NOPCHAP1: variants seen among roughly 807,000 people sequenced by gnomAD.
NOPCHAP1 encodes DNA damage-sensitive RNA 1.
NOPCHAP1 carries 13 observed loss-of-function variants against 14.0 expected under a neutral mutation model. The observed-to-expected ratio is 0.93, with a 90% CI of 0.60 to 1.47. The LOEUF is 1.47. Ranked by LOEUF, NOPCHAP1 falls within the 40% of genes most tolerant of loss-of-function variation. The pLI, the probability that NOPCHAP1 is intolerant of heterozygous loss-of-function variation, is 0.00. For missense variants in NOPCHAP1, 230 were observed against 226.9 expected, an observed-to-expected ratio of 1.01 and a Z score of -0.09; for synonymous variants, 78 against 78.4, an observed-to-expected ratio of 1.00 and a Z score of 0.03.
At chr12:104,991,622 T>C in intron 2 of NOPCHAP1, 90 bp from the exon 3 acceptor site, 2 of 1,297,050 alleles carry the variant, frequency 1.5e-6, no homozygotes, top group Admixed American at 2.6e-5. Flanking sequence ...GTTGTTATTA[T>C]TAATACTCAA....
chr12:104,990,330 A>G (rs982471296), intron 2 of NOPCHAP1, among the ~76,000 whole-genome samples: 5 of 152,210 alleles, frequency 3.3e-5, no homozygotes, highest in African/African-American at 1.2e-4. Context: ...TTAGTTGGAA[A>G]CAAAAGCAGT....
At position 105,011,168 on chromosome 12, in the gene NOPCHAP1, G is replaced by C. The variant is rs1176571127; in HGVS notation, c.*16472G>C. 1.3e-5 allele frequency: 2 copies of C among 152,074 alleles called. No individual in the cohort carries two copies. Among genetic ancestry groups the C allele is most frequent in the African/African-American group, 4.8e-5 (2 of 41,394 alleles). The allele number at this position is 152,074 out of a possible 1,614,324, so 9.4% of individuals were successfully genotyped here. ...TGTGAATCTGTGTGCTCCTGTATTG[G>C]GTGCATATATATTTAGGATAGTTAG... On this transcript the variant is annotated 3_prime_UTR_variant, in exon 4 of 4. Transcript: ENST00000552951.
chr12:104,989,330 C>A (rs1337272902), intron 2 of NOPCHAP1, among the ~76,000 whole-genome samples: 1 of 152,130 alleles, frequency 6.6e-6, no homozygotes, highest in African/African-American at 2.4e-5. Context: ...GACTTACCAG[C>A]CTTTGTGTGT....
rs961423401 is a variant in NOPCHAP1, at chr12:105,016,378, C to G, written c.*21682C>G. On this transcript the variant is annotated 3_prime_UTR_variant, in exon 4 of 4. Coordinates refer to ENST00000552951, the MANE Select transcript of NOPCHAP1 (RefSeq NM_152318.3). ...TAGCTACTAGTCTAAGAGTTACCAC[C>G]ACTCATACATATGTAAAGGCTAATG... is the stretch of plus-strand genomic sequence containing the variant. 1 of 152,152 alleles carries G rather than the reference C, an allele frequency of 6.6e-6. No homozygotes were observed. Among genetic ancestry groups the G allele is most frequent in the Admixed American group, 6.5e-5 (1 of 15,286 alleles). The allele number at this position is 152,152 out of a possible 1,614,324, so 9.4% of individuals were successfully genotyped here. A position where few individuals can be genotyped will look rare whatever the true frequency, so the allele number is the denominator to read the frequency against.
At chr12:104,992,211 A>G (rs1873393074) in intron 3 of NOPCHAP1, among the ~76,000 whole-genome samples, 3 of 152,216 alleles carry the variant, frequency 2.0e-5, no homozygotes, top group Non-Finnish European at 4.4e-5. Context: ...ATGTGCAAAA[A>G]TGTTCTCTCA....
Position 105,016,799 on chromosome 12 carries a change from A to C in NOPCHAP1, c.*22103A>C, listed in dbSNP as rs1439990008. Reference sequence around the variant, plus strand: ...ATTTGGGTGGGGACACAGCCAAAACATATCAGTATGTTATGGCCTTATATA... The same window carrying C: ...ATTTGGGTGGGGACACAGCCAAAACCTATCAGTATGTTATGGCCTTATATA... On this transcript the variant is annotated 3_prime_UTR_variant, in exon 4 of 4. Coordinates refer to ENST00000552951, the MANE Select transcript of NOPCHAP1 (RefSeq NM_152318.3). 6.6e-6 allele frequency: 1 copy of C among 152,226 alleles called. No individual in the cohort carries two copies. Among genetic ancestry groups the C allele is most frequent in the Non-Finnish European group, 1.5e-5 (1 of 68,044 alleles). The allele number at this position is 152,226 out of a possible 1,614,324, so 9.4% of individuals were successfully genotyped here. A position where few individuals can be genotyped will look rare whatever the true frequency, so the allele number is the denominator to read the frequency against.
At chr12:104,986,529 C>G in intron 1 of NOPCHAP1, 62 bp downstream of exon 1, 1 of 1,404,978 alleles carries the variant, frequency 7.1e-7, no homozygotes, top group African/African-American at 1.5e-5. Context: ...GCGGCCGGTG[C>G]AGTTTGGGAG....
chr12:105,015,247 T>C lies in NOPCHAP1; in HGVS notation c.*20551T>C, dbSNP rs1041684441. On this transcript the variant is annotated 3_prime_UTR_variant, in exon 4 of 4. Transcript: ENST00000552951. ...GATGAGTTATTGGCATAGGTACTTATTTAAAGATTTTCTTCCACTGGATGC... is the reference window on the plus strand; with the variant it reads ...GATGAGTTATTGGCATAGGTACTTACTTAAAGATTTTCTTCCACTGGATGC... 3.9e-5 allele frequency: 6 copies of C among 152,220 alleles called. No individual in the cohort carries two copies. Among genetic ancestry groups the C allele is most frequent in the Non-Finnish European group, 5.9e-5 (4 of 68,040 alleles). 9.4% of individuals were successfully genotyped at this position (152,220 alleles called of 1,614,324 possible).
In NOPCHAP1 at chr12:105,009,636, C is replaced by G. The variant is rs1873773864; in HGVS notation, c.*14940C>G. The G allele has an allele frequency of 6.6e-6, 1 of 152,102 alleles. No homozygotes were observed. Among genetic ancestry groups the G allele is most frequent in the Non-Finnish European group, 1.5e-5 (1 of 68,032 alleles). The allele number at this position is 152,102 out of a possible 1,614,324, so 9.4% of individuals were successfully genotyped here. ...AGCTCCTATTGTTTTGAAATATGTT[C>G]CATCAGTACCTAGTTTATTGAGAGT... On this transcript the variant is annotated 3_prime_UTR_variant, in exon 4 of 4. Transcript: ENST00000552951.
In NOPCHAP1 at chr12:104,994,908, C is replaced by T. The variant is rs117174689; in HGVS notation, c.*212C>T. On this transcript the variant is annotated 3_prime_UTR_variant, in exon 4 of 4. Transcript: ENST00000552951. ...AAACTGAAAGGGGTTCAGAGACCTC[C>T]GCTCTACAGCAAGGAAAGTGTGCTT... 108 of 520,052 alleles carry T rather than the reference C, an allele frequency of 2.1e-4. No individual in the cohort carries two copies. The East Asian group carries it at 2.8e-3, about 13-fold the overall frequency. 32.2% of individuals were successfully genotyped at this position (520,052 alleles called of 1,614,324 possible).
At position 105,002,911 on chromosome 12, in the gene NOPCHAP1, A is replaced by G. The variant is rs909956225; in HGVS notation, c.*8215A>G. On this transcript the variant is annotated 3_prime_UTR_variant, in exon 4 of 4. Transcript: ENST00000552951. ...ATCAGAGAATCCCATTTTGTAAGGC[A>G]TTTGTCTAACTTGCCTTTTCTCATT... 2.6e-5 allele frequency: 4 copies of G among 152,186 alleles called. No homozygotes were observed. Among genetic ancestry groups the G allele is most frequent in the Non-Finnish European group, 5.9e-5 (4 of 68,028 alleles). The allele number at this position is 152,186 out of a possible 1,614,324, so 9.4% of individuals were successfully genotyped here.
rs1414057992 is a variant in NOPCHAP1, at chr12:105,001,470, T to G, written c.*6774T>G. ...AGCCATTTTAGCAATTTTAGAATAGTCATCCCACCAATATTTTTTCAATTT... is the reference window on the plus strand; with the variant it reads ...AGCCATTTTAGCAATTTTAGAATAGGCATCCCACCAATATTTTTTCAATTT... On this transcript the variant is annotated 3_prime_UTR_variant, in exon 4 of 4. Coordinates refer to ENST00000552951, the MANE Select transcript of NOPCHAP1 (RefSeq NM_152318.3). The G allele has an allele frequency of 6.6e-6, 1 of 152,200 alleles. No individual in the cohort carries two copies. The highest frequency in any genetic ancestry group is 1.5e-5 in the Non-Finnish European group (1 of 68,024). The allele number at this position is 152,200 out of a possible 1,614,324, so 9.4% of individuals were successfully genotyped here.
At chr12:104,988,106 A>G in intron 1 of NOPCHAP1, 61 bp from the exon 2 acceptor site, 7 of 1,324,814 alleles carry the variant, frequency 5.3e-6, no homozygotes, top group Non-Finnish European at 7.5e-6. Context: ...AGGCTTACTG[A>G]TGGGCCTTTG....
intron 2 of NOPCHAP1, among the ~76,000 whole-genome samples, chr12:104,990,601 C>T (rs1873353627): frequency 6.6e-6 from 1 of 152,098 alleles, no homozygotes; most frequent in Non-Finnish European, 1.5e-5. Context: ...GTTATGTAGC[C>T]ATAGCAGTTA....
rs1430444455 is a variant in NOPCHAP1 at position 104,997,994 on chromosome 12, C to T, written c.*3298C>T. 1 of 152,212 alleles carries T rather than the reference C, an allele frequency of 6.6e-6. No individual in the cohort carries two copies. Among genetic ancestry groups the T allele is most frequent in the Non-Finnish European group, 1.5e-5 (1 of 68,040 alleles). The allele number at this position is 152,212 out of a possible 1,614,324, so 9.4% of individuals were successfully genotyped here. On this transcript the variant is annotated 3_prime_UTR_variant, in exon 4 of 4. Coordinates refer to ENST00000552951, the MANE Select transcript of NOPCHAP1 (RefSeq NM_152318.3). ...AGTTTGGTCAATTCTGCTGTTAATA[C>T]TTGTGATTGCATTATGCAATTCTTG...
chr12:104,992,788 T>C (rs1301961220), intron 3 of NOPCHAP1, among the ~76,000 whole-genome samples: 1 of 152,180 alleles, frequency 6.6e-6, no homozygotes, highest in African/African-American at 2.4e-5. Flanking sequence ...TCCAGGTTGT[T>C]GTGCGCTCTT....
At chr12:104,990,305 G>A (rs369819544) in intron 2 of NOPCHAP1, among the ~76,000 whole-genome samples, 11 of 152,212 alleles carry the variant, frequency 7.2e-5, no homozygotes, top group African/African-American at 2.6e-4. Context: ...TACTTGTTTT[G>A]CTCTACTTGA....
Position 104,994,792 on chromosome 12 carries a change from A to T in NOPCHAP1, c.*96A>T, listed in dbSNP as rs765517883. The stretch of plus-strand genomic sequence containing the variant: ...GGGTTCTTTTGCTTTTCAGGCACCT[A>T]TGGTGCTTTTATATGTTAAAAACTT... On this transcript the variant is annotated 3_prime_UTR_variant, in exon 4 of 4. Transcript: ENST00000552951. 35 of 1,100,064 alleles carry T rather than the reference A, an allele frequency of 3.2e-5. No individual in the cohort carries two copies. The highest frequency in any genetic ancestry group is 2.8e-5 in the Non-Finnish European group (21 of 749,170). The allele number at this position is 1,100,064 out of a possible 1,614,324, so 68.1% of individuals were successfully genotyped here.
At chr12:104,993,075 C>T (rs1191768446) in intron 3 of NOPCHAP1, among the ~76,000 whole-genome samples, 1 of 152,166 alleles carries the variant, frequency 6.6e-6, no homozygotes, top group East Asian at 1.9e-4. Flanking sequence ...TCTTTTCAGT[C>T]GTCACCTGAT....
Sources: gnomAD v4.1 joint callset for allele counts (sites outside exome capture counted in the v4.1 genomes callset) on GRCh38, gnomAD v4.1.1 for gene constraint, MANE v1.5 for transcripts, NCBI Gene and HGNC (gene_info 2026-07-23, HGNC 2026-07-21) for gene names.